Variants in OR3A2 observed in about 807,000 individuals in gnomAD.
OR3A2 encodes the protein olfactory receptor family 3 subfamily A member 2.
For missense variants in OR3A2, 318 were observed against 392.8 expected (o/e 0.81, Z 1.61); for synonymous variants, 126 against 159.3 (o/e 0.79, Z 1.57).
chr17:3,292,251 A>C (rs761970734), intron 3 of OR3A2: 1 of 1,614,038 alleles, frequency 6.2e-7, no homozygotes, highest in South Asian at 1.1e-5. Flanking sequence ...GTCCACTCCA[A>C]CGAACAGATG....
At chr17:3,293,095 C>A (rs1455873213) in intron 3 of OR3A2, among the ~76,000 whole-genome samples, 1 of 143,672 alleles carries the variant, frequency 7.0e-6, no homozygotes, top group East Asian at 2.1e-4. Context: ...AGGAGAGTGA[C>A]AAGAAGCAGA....
chr17:3,300,438 A>G (rs191534366), intron 3 of OR3A2, among the ~76,000 whole-genome samples: 1,583 of 152,288 alleles, frequency 0.01, 32 homozygotes, highest in South Asian at 0.074. Flanking sequence ...ACATGCCTGT[A>G]ATCCCAGCTA....
At chr17:3,343,003 C>T (rs1017730234) in intron 2 of OR3A2, among the ~76,000 whole-genome samples, 7 of 152,180 alleles carry the variant, frequency 4.6e-5, no homozygotes, top group East Asian at 1.9e-4. Flanking sequence ...CCTTGCAGTT[C>T]GATCTTGGAC....
chr17:3,381,661 A>T (rs1269531653), intron 2 of OR3A2, among the ~76,000 whole-genome samples: 1 of 152,190 alleles, frequency 6.6e-6, no homozygotes, highest in African/African-American at 2.4e-5. Context: ...GAGAAAAAAA[A>T]ATGAAGCTCA....
intron 2 of OR3A2, among the ~76,000 whole-genome samples, chr17:3,365,635 C>A (rs2049556372): frequency 6.6e-6 from 1 of 152,160 alleles, no homozygotes; most frequent in African/African-American, 2.4e-5. Context: ...GCTCCACCGT[C>A]TTGAACTTGG....
At chr17:3,373,294 A>G (rs1398048719) in intron 2 of OR3A2, among the ~76,000 whole-genome samples, 1 of 152,206 alleles carries the variant, frequency 6.6e-6, no homozygotes, top group East Asian at 1.9e-4. Flanking sequence ...AATGTTCTGT[A>G]AATATCCGTT....
At chr17:3,322,838 T>C (rs1242818546) in intron 3 of OR3A2, among the ~76,000 whole-genome samples, 2 of 152,162 alleles carry the variant, frequency 1.3e-5, no homozygotes, top group African/African-American at 4.8e-5. Flanking sequence ...CTGAAAAGAC[T>C]GTATATTCTG....
chr17:3,331,743 T>G (rs574646141), intron 3 of OR3A2, among the ~76,000 whole-genome samples: 2 of 152,190 alleles, frequency 1.3e-5, no homozygotes, highest in South Asian at 4.1e-4. Context: ...TCCAGCTTTG[T>G]TCCATTGCTG....
At chr17:3,337,707 G>A (rs538728086) in intron 2 of OR3A2, among the ~76,000 whole-genome samples, 3 of 152,174 alleles carry the variant, frequency 2.0e-5, no homozygotes, top group Non-Finnish European at 2.9e-5. Context: ...CAAGTCTTTG[G>A]TATTGTGAAT....
In OR3A2 at chr17:3,324,775, G is replaced by A. The variant is rs140806656; in HGVS notation, c.-85+11258C>T. ...AGGTGTCAGTCCGCCCCTACTCGGGGGTGCCTCCCAGTTAGGCTACTTGGG... is the reference window on the plus strand; with the variant it reads ...AGGTGTCAGTCCGCCCCTACTCGGGAGTGCCTCCCAGTTAGGCTACTTGGG... On this transcript the variant is annotated intron_variant, in intron 3 of 4. Coordinates refer to the OR3A2 transcript ENST00000573491. 8.4e-3 allele frequency among the ~76,000 whole-genome samples: 1,279 copies of A among 152,170 alleles called. 30 individuals are homozygous for A. The highest frequency in any genetic ancestry group is 0.029 in the African/African-American group (1,195 of 41,478).
intron 1 of OR3A2, among the ~76,000 whole-genome samples, chr17:3,284,054 C>T (rs1373616057): frequency 2.7e-5 from 4 of 148,166 alleles, no homozygotes; most frequent in South Asian, 2.2e-4. Context: ...CCCAACATGA[C>T]GAGGCTCAAG....
chr17:3,376,555 A>G (rs370538374), intron 2 of OR3A2, among the ~76,000 whole-genome samples: 8 of 151,976 alleles, frequency 5.3e-5, no homozygotes, highest in Non-Finnish European at 1.2e-4. Flanking sequence ...CATACATATC[A>G]CCAGGGAAGT....
At chr17:3,330,040 C>A (rs1047147107) in intron 3 of OR3A2, among the ~76,000 whole-genome samples, 1 of 147,062 alleles carries the variant, frequency 6.8e-6, no homozygotes, top group African/African-American at 2.7e-5. Context: ...GATTCTTAAT[C>A]CTGAGTTCTA....
chr17:3,380,138 T>G (rs918721669), intron 2 of OR3A2, among the ~76,000 whole-genome samples: 5 of 152,198 alleles, frequency 3.3e-5, no homozygotes, highest in African/African-American at 1.2e-4. Context: ...TAACTCCCCC[T>G]TTGCCTGAAG....
chr17:3,356,530 T>C (rs2049467011), intron 2 of OR3A2, among the ~76,000 whole-genome samples: 1 of 151,386 alleles, frequency 6.6e-6, no homozygotes, highest in African/African-American at 2.4e-5. Flanking sequence ...TCTAGACACA[T>C]ACAACCTACC....
chr17:3,308,572 C>G (rs1190740640), intron 3 of OR3A2, among the ~76,000 whole-genome samples: 1 of 152,150 alleles, frequency 6.6e-6, no homozygotes, highest in Non-Finnish European at 1.5e-5. Context: ...CTTTCAAGCG[C>G]TACTCACGGG....
chr17:3,370,308 G>A (rs1406623827), intron 2 of OR3A2, among the ~76,000 whole-genome samples: 1 of 152,284 alleles, frequency 6.6e-6, no homozygotes, highest in South Asian at 2.1e-4. Flanking sequence ...TAGTTTGTGT[G>A]CATAAAGGTG....
At chr17:3,287,544 A>T (rs1270656373), upstream of OR3A2, among the ~76,000 whole-genome samples, 1 of 152,214 alleles carries the variant, frequency 6.6e-6, no homozygotes, top group African/African-American at 2.4e-5. Context: ...TAGTGTCAAC[A>T]TCTAGTTCAT....
At chr17:3,346,664 A>C (rs1358580187) in intron 2 of OR3A2, among the ~76,000 whole-genome samples, 1 of 150,264 alleles carries the variant, frequency 6.7e-6, no homozygotes, top group African/African-American at 2.5e-5. Context: ...TTTTGTACCC[A>C]TTATCCATCC....
Sources: gnomAD v4.1 joint callset for allele counts (sites outside exome capture counted in the v4.1 genomes callset) on GRCh38, gnomAD v4.1.1 for gene constraint, MANE v1.5 for transcripts, NCBI Gene and HGNC (gene_info 2026-07-23, HGNC 2026-07-21) for gene names.